The following CCBE1 variants were observed in gnomAD, a reference collection of about 807,000 sequenced individuals.
CCBE1 encodes the protein collagen and calcium-binding EGF domain-containing protein 1.
In CCBE1, 37 loss-of-function variants were observed where a neutral mutation model predicts 50.0. That is an observed-to-expected ratio of 0.74 (90% confidence interval 0.57 to 0.97). The LOEUF is 0.97. Among genes scored for constraint, CCBE1 ranks in the 50% least tolerant of loss-of-function variants. CCBE1 has a pLI of 0.00. For missense variants in CCBE1, 538 were observed against 523.8 expected (o/e 1.03, Z -0.26); for synonymous variants, 234 against 203.7 (o/e 1.15, Z -1.27).
chr18:59,666,879 C>T (rs966197045), intron 2 of CCBE1, among the ~76,000 whole-genome samples: 1 of 152,120 alleles, frequency 6.6e-6, no homozygotes, highest in African/African-American at 2.4e-5. Context: ...GCAGGAAAAT[C>T]GCTTGAACCT....
At chr18:59,626,247 T>C (rs2053783264) in intron 2 of CCBE1, among the ~76,000 whole-genome samples, 3 of 152,186 alleles carry the variant, frequency 2.0e-5, no homozygotes, top group Admixed American at 2.0e-4. Flanking sequence ...AAAGTACTCG[T>C]TTATTTATGG....
intron 9 of CCBE1, 87 bp downstream of exon 9, chr18:59,439,456 G>A (rs1279499728): frequency 6.7e-7 from 1 of 1,500,974 alleles, no homozygotes; most frequent in East Asian, 2.3e-5. Flanking sequence ...GACAGAGCAA[G>A]ACCATCTCAA....
intron 2 of CCBE1, among the ~76,000 whole-genome samples, chr18:59,668,726 T>G (rs1599119621): frequency 6.6e-6 from 1 of 152,108 alleles, no homozygotes; most frequent in East Asian, 1.9e-4. Context: ...ATTTCTCACA[T>G]GGCTAAGGCT....
intron 2 of CCBE1, among the ~76,000 whole-genome samples, chr18:59,508,988 T>G (rs1914013310): frequency 1.3e-5 from 2 of 152,210 alleles, no homozygotes; most frequent in Non-Finnish European, 1.5e-5. Flanking sequence ...AGTTTGTTGC[T>G]GGGTTGCATT....
intron 2 of CCBE1, among the ~76,000 whole-genome samples, chr18:59,653,171 C>T (rs901615439): frequency 2.6e-5 from 4 of 152,174 alleles, no homozygotes; most frequent in South Asian, 4.1e-4. Context: ...ATCTCTGGCC[C>T]TCTCCTCCAG....
chr18:59,542,430 T>A (rs1356325107), intron 2 of CCBE1, among the ~76,000 whole-genome samples: 1 of 152,160 alleles, frequency 6.6e-6, no homozygotes, highest in East Asian at 1.9e-4. Flanking sequence ...AGCTAAAGCA[T>A]CAAGGATGAG....
At chr18:59,683,471 G>A (rs931715953) in intron 2 of CCBE1, among the ~76,000 whole-genome samples, 1 of 152,168 alleles carries the variant, frequency 6.6e-6, no homozygotes, top group African/African-American at 2.4e-5. Flanking sequence ...TGAGGCAGGC[G>A]GATCACCTGA....
At chr18:59,485,037 A>G (rs1253613871) in intron 2 of CCBE1, among the ~76,000 whole-genome samples, 1 of 152,230 alleles carries the variant, frequency 6.6e-6, no homozygotes, top group Non-Finnish European at 1.5e-5. Context: ...TTATCTTTAG[A>G]AAAACAAACT....
At chr18:59,466,715 G>T in intron 5 of CCBE1, 24 bp downstream of exon 5, 1 of 1,585,184 alleles carries the variant, frequency 6.3e-7, no homozygotes, top group Non-Finnish European at 8.6e-7. Flanking sequence ...TAATTAGGGA[G>T]ATATTTAGAC....
chr18:59,650,791 G>A (rs913772414), intron 2 of CCBE1, among the ~76,000 whole-genome samples: 1 of 151,210 alleles, frequency 6.6e-6, no homozygotes, highest in African/African-American at 2.4e-5. Context: ...CCTCCCTACC[G>A]ATCCTGTACC....
At chr18:59,680,326 T>C (rs981155741) in intron 2 of CCBE1, among the ~76,000 whole-genome samples, 1 of 152,090 alleles carries the variant, frequency 6.6e-6, no homozygotes, top group African/African-American at 2.4e-5. Flanking sequence ...AAGCTGGCCC[T>C]AAGCAGTTTC....
chr18:59,593,546 A>C (rs2053305122), intron 2 of CCBE1, among the ~76,000 whole-genome samples: 1 of 152,224 alleles, frequency 6.6e-6, no homozygotes, highest in South Asian at 2.1e-4. Context: ...GACAATGAAA[A>C]TACAATCCCA....
At chr18:59,511,033 C>G (rs1449507053) in intron 2 of CCBE1, among the ~76,000 whole-genome samples, 1 of 152,150 alleles carries the variant, frequency 6.6e-6, no homozygotes, top group Non-Finnish European at 1.5e-5. Flanking sequence ...TATGTCTGAC[C>G]CCTGCTCTGA....
intron 2 of CCBE1, among the ~76,000 whole-genome samples, chr18:59,493,148 A>G (rs1402863691): frequency 6.6e-6 from 1 of 152,230 alleles, no homozygotes; most frequent in Non-Finnish European, 1.5e-5. Context: ...GTCTTAAAGG[A>G]GAGAGTTTCA....
chr18:59,646,604 C>T (rs1050552686), intron 2 of CCBE1, among the ~76,000 whole-genome samples: 3 of 152,208 alleles, frequency 2.0e-5, no homozygotes, highest in African/African-American at 4.8e-5. Flanking sequence ...CACAGAATTT[C>T]GTGTGTATGT....
chr18:59,522,993 C>CAAAAAAAAAAAAAAAAAAAAAA lies in CCBE1; in HGVS notation c.213-42756_213-42755insTTTTTTTTTTTTTTTTTTTTTT, dbSNP rs57217059. Among the ~76,000 whole-genome samples, 43 of 89,212 alleles carry CAAAAAAAAAAAAAAAAAAAAAA rather than the reference C, an allele frequency of 4.8e-4. 6 individuals are homozygous for CAAAAAAAAAAAAAAAAAAAAAA. Among genetic ancestry groups the CAAAAAAAAAAAAAAAAAAAAAA allele is most frequent in the South Asian group, 2.4e-3 (5 of 2,088 alleles). 58.5% of individuals were successfully genotyped at this position (89,212 alleles called of 152,430 possible). Reference sequence around the variant, plus strand: ...GGCAACAGAGTGAGAGACTCTGTTTCAAAAAAAAAAAAAAAAAAAATTCTC... The same window carrying CAAAAAAAAAAAAAAAAAAAAAA: ...GGCAACAGAGTGAGAGACTCTGTTTCAAAAAAAAAAAAAAAAAAAAAAAAAAAAAAAAAAAAAAAAAATTCTC... On this transcript the variant is annotated intron_variant, in intron 2 of 10. Transcript: ENST00000439986.
chr18:59,693,055 G>T (rs1274503232), intron 2 of CCBE1, among the ~76,000 whole-genome samples: 1 of 152,002 alleles, frequency 6.6e-6, no homozygotes, highest in Non-Finnish European at 1.5e-5. Context: ...TGTGGTGAAG[G>T]TGATGGCAGT....
rs540849876 is a variant in CCBE1 at position 59,584,642 on chromosome 18, G to A, written c.213-104404C>T. On this transcript the variant is annotated intron_variant, in intron 2 of 10. Coordinates refer to ENST00000439986, the MANE Select transcript of CCBE1 (RefSeq NM_133459.4). ...GATAGAGTTCTTGCGAGATCTGGTT[G>A]TCTAAACTGTTTAGCACCTCCCCGT... Among the ~76,000 whole-genome samples, 4 of 152,214 alleles carry A rather than the reference G, an allele frequency of 2.6e-5. No homozygotes were observed. In the South Asian group the frequency reaches 6.2e-4, roughly 24 times the overall value.
At chr18:59,572,661 T>C (rs1362290525) in intron 2 of CCBE1, among the ~76,000 whole-genome samples, 2 of 152,224 alleles carry the variant, frequency 1.3e-5, no homozygotes, top group African/African-American at 2.4e-5. Context: ...CCTTTCAAAG[T>C]TTAGCAAATA....
Sources: gnomAD v4.1 joint callset for allele counts (sites outside exome capture counted in the v4.1 genomes callset) on GRCh38, gnomAD v4.1.1 for gene constraint, MANE v1.5 for transcripts, NCBI Gene and HGNC (gene_info 2026-07-23, HGNC 2026-07-21) for gene names.